The following IFT74 variants were observed in gnomAD, a reference collection of about 807,000 sequenced individuals.
The protein encoded by IFT74 is intraflagellar transport 74, also known as intraflagellar transport protein 74 homolog.
A neutral mutation model predicts 96.7 loss-of-function variants in IFT74; 92 were observed. The ratio of observed to expected loss-of-function variants is 0.95; its 90% CI spans 0.80 to 1.13. The LOEUF (loss-of-function observed/expected upper bound fraction) is 1.13, where lower values mean the gene tolerates loss of function less well. Ranked by LOEUF, IFT74 falls within the 50% of genes most tolerant of loss-of-function variation. The probability of loss-of-function intolerance (pLI) is 0.00; values close to 1 mark genes in which losing one functional copy is unlikely to be tolerated. For missense variants in IFT74, 811 were observed against 698.2 expected (o/e 1.16, Z -1.82); for synonymous variants, 223 against 213.2 (o/e 1.05, Z -0.40).
chr9:27,044,667 C>G, intron 13 of IFT74, 75 bp from the exon 14 acceptor site: 1 of 828,976 alleles, frequency 1.2e-6, no homozygotes, highest in South Asian at 1.5e-5. Context: ...TAGAGAGAAC[C>G]AAAGAGAGAT....
intron 6 of IFT74, among the ~76,000 whole-genome samples, chr9:26,986,524 C>T (rs1827644464): frequency 2.0e-5 from 3 of 151,830 alleles, no homozygotes; most frequent in Non-Finnish European, 4.4e-5. Context: ...GCCTTGTTGC[C>T]CATACTGGTC....
At chr9:27,035,634 T>G (rs1819137278) in intron 13 of IFT74, among the ~76,000 whole-genome samples, 1 of 152,222 alleles carries the variant, frequency 6.6e-6, no homozygotes, top group Non-Finnish European at 1.5e-5. Context: ...CGAAAATGAT[T>G]AAGGACCATA....
In IFT74 at chr9:27,031,781, TAAATAAAATAAAATGTAAAATA is replaced by T. The variant is rs1302790810; in HGVS notation, c.1054+2702_1054+2723del. ...TAAAATAAAATAAAATAAAATAAAA[TAAATAAAATAAAATGTAAAATA>T]AAATAAAATAAAATGTAAAATAAAC... is the stretch of plus-strand genomic sequence containing the variant. On this transcript the variant is annotated intron_variant, in intron 13 of 19. Coordinates refer to ENST00000380062, the MANE Select transcript of IFT74 (RefSeq NM_025103.4). 5.3e-3 allele frequency among the ~76,000 whole-genome samples: 654 copies of T among 122,592 alleles called. 4 individuals are homozygous for T. Among genetic ancestry groups the T allele is most frequent in the Admixed American group, 9.9e-3 (113 of 11,446 alleles). The allele number at this position is 122,592 out of a possible 152,430, so 80.4% of individuals were successfully genotyped here.
chr9:26,978,288 C>T (rs1055217465), intron 3 of IFT74, 25 bp downstream of exon 3: 24 of 1,603,072 alleles, frequency 1.5e-5, no homozygotes, highest in African/African-American at 1.1e-4. Context: ...ATAAGTATGA[C>T]ACTTGGGCCT....
At chr9:26,967,764 T>A (rs1229307007) in intron 2 of IFT74, among the ~76,000 whole-genome samples, 1 of 152,188 alleles carries the variant, frequency 6.6e-6, no homozygotes, top group Non-Finnish European at 1.5e-5. Flanking sequence ...TTAGATATGT[T>A]CCTTCTATAC....
At chr9:26,966,436 C>T (rs1475191476) in intron 2 of IFT74, among the ~76,000 whole-genome samples, 2 of 152,042 alleles carry the variant, frequency 1.3e-5, no homozygotes. Flanking sequence ...TGATGTTGAG[C>T]ACCTTTTCGT....
chr9:27,047,012 A>G (rs554265166), intron 14 of IFT74, among the ~76,000 whole-genome samples: 1 of 152,182 alleles, frequency 6.6e-6, no homozygotes. Context: ...GTCTCTGGTA[A>G]AAATACAAAA....
chr9:26,955,372 G>A (rs150151212), upstream of IFT74, among the ~76,000 whole-genome samples: 2 of 152,192 alleles, frequency 1.3e-5, no homozygotes, highest in Non-Finnish European at 2.9e-5. Flanking sequence ...ACTCTCTGAA[G>A]TCCTGCTTCT....
intron 13 of IFT74, among the ~76,000 whole-genome samples, chr9:27,041,357 A>C (rs1378953927): frequency 1.3e-5 from 2 of 152,112 alleles, no homozygotes; most frequent in Non-Finnish European, 2.9e-5. Flanking sequence ...GGTTTTGTAC[A>C]CCTAATGGAG....
In IFT74 at chr9:27,036,530, A is replaced by G. The variant is rs574343963; in HGVS notation, c.1054+7426A>G. On this transcript the variant is annotated intron_variant, in intron 13 of 19. Transcript: ENST00000380062. ...GCAAGTTTGAACCTGCCATGTGCTAAGCACTATGCTGAATCCATTTGAACT... is the reference window on the plus strand; with the variant it reads ...GCAAGTTTGAACCTGCCATGTGCTAGGCACTATGCTGAATCCATTTGAACT... The G allele has an allele frequency of 6.6e-5, 107 of 1,612,744 alleles. 3 individuals are homozygous for G. In the South Asian group the frequency reaches 1.2e-3, roughly 18 times the overall value.
In IFT74 at chr9:27,065,545, T is replaced by A. The variant is rs1449926777; in HGVS notation, c.*2809T>A. Among the ~76,000 whole-genome samples the A allele has an allele frequency of 6.6e-6, 1 of 152,168 alleles. No homozygotes were observed. The highest frequency in any genetic ancestry group is 1.5e-5 in the Non-Finnish European group (1 of 68,020). On this transcript the variant is annotated 3_prime_UTR_variant, in exon 20 of 20. Coordinates refer to ENST00000380062, the MANE Select transcript of IFT74 (RefSeq NM_025103.4). The stretch of plus-strand genomic sequence containing the variant: ...TCTTTTATCAGTAAATAAACATGAG[T>A]TCTTGATATTCTTTTTCCTGTGGAG...
rs1350359379 is a variant in IFT74 at position 27,017,031 on chromosome 9, GA to G, written c.915del (p.Glu306ArgfsTer14). Reference sequence around the variant, plus strand: ...AGCATAGGATCTCCAATGGAAGAGAGAGAGAAATTACTTAAGCAGGTGGGCA... The same window carrying G: ...AGCATAGGATCTCCAATGGAAGAGAGGAGAAATTACTTAAGCAGGTGGGCA... ...DKSIGSPMEE[R>X]EKLLKQIKDD... On this transcript the variant is annotated frameshift_variant, in exon 11 of 20. Transcript: ENST00000380062. LOFTEE classifies it high-confidence loss of function. 4.0e-5 allele frequency: 65 copies of G among 1,605,294 alleles called. No individual in the cohort carries two copies. Among genetic ancestry groups the G allele is most frequent in the Non-Finnish European group, 5.4e-5 (64 of 1,177,002 alleles).
chr9:27,017,075 T>G, intron 11 of IFT74, 25 bp downstream of exon 11: 1 of 1,581,654 alleles, frequency 6.3e-7, no homozygotes, highest in Non-Finnish European at 8.6e-7. Flanking sequence ...CATACTTATT[T>G]TAAGATGTCT....
At chr9:26,991,040 T>C (rs550004186) in intron 8 of IFT74, among the ~76,000 whole-genome samples, 2 of 152,340 alleles carry the variant, frequency 1.3e-5, no homozygotes, top group East Asian at 3.9e-4. Flanking sequence ...TTAGTCTCTT[T>C]GAGAGCAAAG....
intron 1 of IFT74, chr9:26,947,257 A>T (rs942990883): frequency 3.6e-6 from 2 of 556,754 alleles, no homozygotes; most frequent in Non-Finnish European, 6.2e-6. Flanking sequence ...GGCACTCCGG[A>T]ATTCATCATC....
At chr9:27,002,484 G>A (rs1490341662) in intron 8 of IFT74, among the ~76,000 whole-genome samples, 2 of 152,204 alleles carry the variant, frequency 1.3e-5, no homozygotes, top group Non-Finnish European at 2.9e-5. Flanking sequence ...AGAGATAGGG[G>A]TCTGGTTTCA....
At chr9:26,974,256 C>T (rs1827003473) in intron 2 of IFT74, among the ~76,000 whole-genome samples, 7 of 152,172 alleles carry the variant, frequency 4.6e-5, no homozygotes, top group Admixed American at 4.6e-4. Context: ...TGCGTCTCTC[C>T]TTACATACAC....
At chr9:27,002,375 T>C (rs1828544524) in intron 8 of IFT74, among the ~76,000 whole-genome samples, 1 of 152,190 alleles carries the variant, frequency 6.6e-6, no homozygotes, top group African/African-American at 2.4e-5. Context: ...GTGGGCTGAG[T>C]CCGAAAAGAG....
chr9:27,055,268 A>T (rs1410058452), intron 16 of IFT74, among the ~76,000 whole-genome samples: 2 of 152,154 alleles, frequency 1.3e-5, no homozygotes, highest in African/African-American at 4.8e-5. Context: ...TTCCCTACAT[A>T]ACTGTGTCAT....
Sources: allele counts gnomAD v4.1 joint callset (sites outside exome capture counted in the v4.1 genomes callset), GRCh38; gene constraint gnomAD v4.1.1; transcripts MANE v1.5; gene names NCBI Gene and HGNC (gene_info 2026-07-23, HGNC 2026-07-21).